Variants in RGS7 observed in about 807,000 individuals in gnomAD.
RGS7 encodes regulator of G-protein signaling 7.
RGS7 carries 27 observed loss-of-function variants against 81.1 expected under a neutral mutation model. The observed-to-expected ratio is 0.33, with a 90% confidence interval of 0.25 to 0.46. The LOEUF is 0.46. Ranked by LOEUF, RGS7 falls within the 20% of genes least tolerant of loss-of-function variation. The probability of loss-of-function intolerance (pLI) is 1.00; values close to 1 mark genes in which losing one functional copy is unlikely to be tolerated. For missense variants in RGS7, 396 were observed against 607.4 expected (o/e 0.65, Z 3.66); for synonymous variants, 208 against 207.7 (o/e 1.00, Z -0.01).
At chr1:241,091,820 G>C (rs1038538056) in intron 3 of RGS7, among the ~76,000 whole-genome samples, 1 of 152,064 alleles carries the variant, frequency 6.6e-6, no homozygotes, top group African/African-American at 2.4e-5. Context: ...CCAGGAATTT[G>C]AGGCTGGAGT....
chr1:241,285,451 T>C lies in RGS7; in HGVS notation c.78+70248A>G, dbSNP rs116934880. Among the ~76,000 whole-genome samples, 98 of 152,362 alleles carry C rather than the reference T, an allele frequency of 6.4e-4. No homozygotes were observed. In the East Asian group the frequency reaches 0.018, roughly 28 times the overall value. ...ACAGTTTTTTATTGTAATTAGAGGA[T>C]CTAATAGAGGACGCTATTCCTACTC... On this transcript the variant is annotated intron_variant, in intron 2 of 18. Transcript: ENST00000440928.
At chr1:241,283,601 A>G (rs758822774) in intron 2 of RGS7, among the ~76,000 whole-genome samples, 2 of 152,148 alleles carry the variant, frequency 1.3e-5, no homozygotes, top group East Asian at 1.9e-4. Context: ...TTTGACATCA[A>G]TTTCTTTGGG....
At chr1:240,866,580 T>A (rs1256084114) in intron 9 of RGS7, among the ~76,000 whole-genome samples, 1 of 151,494 alleles carries the variant, frequency 6.6e-6, no homozygotes, top group Non-Finnish European at 1.5e-5. Context: ...TGCCTCCAGA[T>A]CCTCCTTGGG....
In RGS7 at chr1:240,868,532, C is replaced by T. The variant is rs1031612921; in HGVS notation, c.609+55G>A. On this transcript the variant is annotated intron_variant, in intron 9 of 18. Transcript: ENST00000440928. This position sits in a 1 kb window ranked among gnomAD's most constrained non-coding sequence, Gnocchi z 5.1. ...TCACTTACTTTGGCAGGGCACCCCT[C>T]ACTTCCCACAGACGGAGAAGATGGA... The T allele has an allele frequency of 2.0e-5, 31 of 1,516,350 alleles. No homozygotes were observed. In the Admixed American group the frequency reaches 2.3e-4, roughly 11 times the overall value. The allele number at this position is 1,516,350 out of a possible 1,614,324, so 93.9% of individuals were successfully genotyped here. A position where few individuals can be genotyped will look rare whatever the true frequency, so the allele number is the denominator to read the frequency against.
intron 2 of RGS7, among the ~76,000 whole-genome samples, chr1:241,198,090 T>C (rs553635637): frequency 2.6e-5 from 4 of 152,104 alleles, no homozygotes; most frequent in East Asian, 1.9e-4. Flanking sequence ...ACTTGGAACA[T>C]AGACTATTTT....
At chr1:241,107,406 T>G (rs537465762) in intron 2 of RGS7, among the ~76,000 whole-genome samples, 2 of 152,354 alleles carry the variant, frequency 1.3e-5, no homozygotes, top group African/African-American at 4.8e-5. Flanking sequence ...TACAGTATGT[T>G]ACTCTTGTGC....
At chr1:241,274,223 T>C (rs954639473) in intron 2 of RGS7, among the ~76,000 whole-genome samples, 5 of 152,218 alleles carry the variant, frequency 3.3e-5, no homozygotes, top group African/African-American at 1.2e-4. Flanking sequence ...CACATCTTTG[T>C]CATCTTTATA....
chr1:241,179,585 G>A lies in RGS7; in HGVS notation c.79-80823C>T, dbSNP rs370560422. ...ATTCATAATATTTACTGCATATTTA[G>A]TCCCCACAAGCTCATGATTAATTAC... On this transcript the variant is annotated intron_variant, in intron 2 of 18. Transcript: ENST00000440928. Among the ~76,000 whole-genome samples the A allele has an allele frequency of 2.8e-4, 43 of 152,210 alleles. No individual in the cohort carries two copies. The East Asian group carries it at 6.2e-3, about 22-fold the overall frequency.
At chr1:240,801,217 C>T (rs1258147861) in intron 17 of RGS7, among the ~76,000 whole-genome samples, 1 of 152,110 alleles carries the variant, frequency 6.6e-6, no homozygotes, top group Non-Finnish European at 1.5e-5. Flanking sequence ...GTAATATAAA[C>T]TTCTTTCCAA....
At chr1:241,056,849 G>A (rs2061499432) in intron 3 of RGS7, among the ~76,000 whole-genome samples, 2 of 152,138 alleles carry the variant, frequency 1.3e-5, no homozygotes. Context: ...TATTAAAATT[G>A]CACAAACATG....
intron 2 of RGS7, among the ~76,000 whole-genome samples, chr1:241,103,010 C>CAAA (rs59775668): frequency 0.14 from 17,391 of 126,852 alleles, 1,124 homozygotes; most frequent in Middle Eastern, 0.18. Context: ...TACAAGCAAG[C>CAAA]AAAAAAAAAA....
At chr1:241,169,336 C>CTTTT (rs57753661) in intron 2 of RGS7, among the ~76,000 whole-genome samples, 9 of 74,272 alleles carry the variant, frequency 1.2e-4, no homozygotes, top group Admixed American at 2.0e-4. Context: ...ATGTGTGTTT[C>CTTTT]TTTTTTTTTT....
At chr1:241,115,736 C>T (rs1380670938) in intron 2 of RGS7, among the ~76,000 whole-genome samples, 1 of 152,162 alleles carries the variant, frequency 6.6e-6, no homozygotes, top group Non-Finnish European at 1.5e-5. Context: ...TAGGAATGAA[C>T]TGACATGGAC....
chr1:240,802,960 A>AT lies in RGS7; in HGVS notation c.1302dup (p.Tyr435IlefsTer31). ...GCACTGGATCTTATAAAACGTGGGT[A>AT]TGAATCACTTTTCATCAGTTTGTAA... On this transcript the variant is annotated frameshift_variant, in exon 16 of 19. Coordinates refer to ENST00000440928, the MANE Select transcript of RGS7 (RefSeq NM_001364886.1). LOFTEE classifies it high-confidence loss of function. The AT allele has an allele frequency of 6.2e-7, 1 of 1,612,022 alleles. No individual in the cohort carries two copies. The highest frequency in any genetic ancestry group is 8.5e-7 in the Non-Finnish European group (1 of 1,178,194).
intron 2 of RGS7, among the ~76,000 whole-genome samples, chr1:241,307,628 C>T (rs115204444): frequency 0.014 from 2,128 of 152,186 alleles, 48 homozygotes; most frequent in African/African-American, 0.049. Flanking sequence ...CATTCTACGA[C>T]GGGCCTTTTA....
chr1:241,332,850 C>T (rs555348497), intron 2 of RGS7, among the ~76,000 whole-genome samples: 1 of 152,284 alleles, frequency 6.6e-6, no homozygotes, highest in East Asian at 1.9e-4. Context: ...AGAATTCCAC[C>T]TTCAGAACCA....
intron 2 of RGS7, among the ~76,000 whole-genome samples, chr1:241,099,067 A>T (rs2064517118): frequency 6.6e-6 from 1 of 152,208 alleles, no homozygotes; most frequent in African/African-American, 2.4e-5. Flanking sequence ...TGTTTATTTC[A>T]CAAGGTTTTA....
chr1:241,237,630 A>T (rs922396103), intron 2 of RGS7, among the ~76,000 whole-genome samples: 7 of 152,202 alleles, frequency 4.6e-5, no homozygotes, highest in African/African-American at 9.7e-5. Flanking sequence ...CATTTAATTT[A>T]AAAAAATAAG....
chr1:240,917,272 A>C (rs1672761830), intron 6 of RGS7, among the ~76,000 whole-genome samples: 1 of 152,216 alleles, frequency 6.6e-6, no homozygotes, highest in South Asian at 2.1e-4. Flanking sequence ...TTCTTCAGAA[A>C]AAGGGAGAAT....
Sources: allele counts gnomAD v4.1 joint callset (sites outside exome capture counted in the v4.1 genomes callset), GRCh38; gene constraint gnomAD v4.1.1; non-coding constraint Gnocchi (gnomAD v3.1); transcripts MANE v1.5; gene names NCBI Gene and HGNC (gene_info 2026-07-23, HGNC 2026-07-21).